Variants in PRKN observed in about 807,000 individuals in gnomAD.
PRKN encodes E3 ubiquitin-protein ligase parkin.
A neutral mutation model predicts 59.5 loss-of-function variants in PRKN; 56 were observed. That is an observed-to-expected ratio of 0.94 (90% confidence interval 0.76 to 1.18). The LOEUF (loss-of-function observed/expected upper bound fraction) is 1.18, where lower values mean the gene tolerates loss of function less well. Among genes scored for constraint, PRKN ranks in the 50% most tolerant of loss-of-function variants. The pLI is 0.00. For synonymous variants in PRKN, 250 were observed against 222.1 expected, an observed-to-expected ratio of 1.13 and a Z score of -1.12; for missense variants, 657 against 596.4, an observed-to-expected ratio of 1.10 and a Z score of -1.06.
intron 7 of PRKN, among the ~76,000 whole-genome samples, chr6:161,693,971 C>T (rs1156448729): frequency 1.3e-5 from 2 of 152,128 alleles, no homozygotes; most frequent in African/African-American, 4.8e-5. Flanking sequence ...TTGTAAATGT[C>T]CTTGTACTTC....
chr6:161,671,280 C>T (rs1034414346), intron 7 of PRKN, among the ~76,000 whole-genome samples: 5 of 152,202 alleles, frequency 3.3e-5, no homozygotes, highest in South Asian at 2.1e-4. Context: ...GTGAGGCTGA[C>T]GTGACAGTCT....
intron 2 of PRKN, among the ~76,000 whole-genome samples, chr6:162,343,562 T>C (rs897132870): frequency 6.6e-6 from 1 of 152,204 alleles, no homozygotes; most frequent in Non-Finnish European, 1.5e-5. Context: ...TGAAGTATAT[T>C]GGATATCTGA....
intron 7 of PRKN, among the ~76,000 whole-genome samples, chr6:161,673,630 C>G (rs1046644349): frequency 2.0e-5 from 3 of 152,100 alleles, no homozygotes; most frequent in Non-Finnish European, 4.4e-5. Flanking sequence ...TGTTTGGAGA[C>G]CAGGCTGGAA....
At chr6:162,361,564 A>T (rs73602255) in intron 2 of PRKN, among the ~76,000 whole-genome samples, 5,050 of 152,238 alleles carry the variant, frequency 0.033, 277 homozygotes, top group African/African-American at 0.12. Context: ...TGCCCAGTCT[A>T]TGAGACTTTC....
chr6:162,065,000 G>A (rs1288777068), intron 4 of PRKN, among the ~76,000 whole-genome samples: 1 of 152,218 alleles, frequency 6.6e-6, no homozygotes, highest in East Asian at 1.9e-4. Flanking sequence ...CAGTGGTAAA[G>A]AATCTGGCAG....
chr6:161,735,948 A>T lies in PRKN; in HGVS notation c.871+49824T>A, dbSNP rs182137505. 1.7e-4 allele frequency among the ~76,000 whole-genome samples: 26 copies of T among 152,230 alleles called. No individual in the cohort carries two copies. In the East Asian group the frequency reaches 5.0e-3, roughly 29 times the overall value. ...CAAAAAAAAAAGTGAGACTATAAAA[A>T]TCTATTTTGCATCCTTCTTCTTAAA... On this transcript the variant is annotated intron_variant, in intron 7 of 11. Coordinates refer to ENST00000366898, the MANE Select transcript of PRKN (RefSeq NM_004562.3).
intron 1 of PRKN, among the ~76,000 whole-genome samples, chr6:162,672,685 A>AGTGTGTGTGT (rs56722608): frequency 0.035 from 5,176 of 149,114 alleles, 120 homozygotes; most frequent in Middle Eastern, 0.096. Flanking sequence ...TTGGGGGAAA[A>AGTGTGTGTGT]GTGTGTGTGT....
At chr6:161,571,608 T>C (rs1780892436) in intron 7 of PRKN, among the ~76,000 whole-genome samples, 1 of 152,268 alleles carries the variant, frequency 6.6e-6, no homozygotes, top group African/African-American at 2.4e-5. Flanking sequence ...TGCAGGTTTT[T>C]CAACACATGC....
intron 2 of PRKN, among the ~76,000 whole-genome samples, chr6:162,387,555 C>CACACAGAG (rs1212726833): frequency 1.6e-4 from 15 of 95,576 alleles, no homozygotes; most frequent in African/African-American, 4.5e-4. Flanking sequence ...CACACACACA[C>CACACAGAG]AGAGAGAGAG....
chr6:161,368,240 C>A (rs931757370), intron 10 of PRKN, among the ~76,000 whole-genome samples: 1 of 116,618 alleles, frequency 8.6e-6, no homozygotes, highest in Non-Finnish European at 1.9e-5. Flanking sequence ...ATGGTGAAAC[C>A]CTGTCTCTAC....
chr6:162,236,551 C>T (rs1311327694), intron 3 of PRKN, among the ~76,000 whole-genome samples: 3 of 151,744 alleles, frequency 2.0e-5, no homozygotes, highest in Admixed American at 2.0e-4. Flanking sequence ...TTTGGGAGGC[C>T]GAGATGGGCC....
intron 4 of PRKN, among the ~76,000 whole-genome samples, chr6:162,099,360 T>G (rs1369107704): frequency 6.6e-6 from 1 of 152,216 alleles, no homozygotes; most frequent in Non-Finnish European, 1.5e-5. Flanking sequence ...TTAACATAAA[T>G]TTCATACTGA....
chr6:162,329,849 A>T (rs2128124475), intron 2 of PRKN, among the ~76,000 whole-genome samples: 1 of 152,328 alleles, frequency 6.6e-6, no homozygotes, highest in Non-Finnish European at 1.5e-5. Context: ...TAGCCAAGAT[A>T]ATGGAGGTAA....
intron 3 of PRKN, among the ~76,000 whole-genome samples, chr6:162,227,829 C>T (rs530720155): frequency 3.0e-4 from 46 of 152,126 alleles, no homozygotes; most frequent in African/African-American, 1.1e-3. Context: ...AACGTGCATG[C>T]CTTCTGGACA....
At chr6:161,707,466 A>G (rs990335571) in intron 7 of PRKN, among the ~76,000 whole-genome samples, 2 of 152,180 alleles carry the variant, frequency 1.3e-5, no homozygotes, top group Admixed American at 6.5e-5. Context: ...AAAATTTATA[A>G]TACCATATGG....
chr6:162,079,517 C>T lies in PRKN; in HGVS notation c.535-25343G>A, dbSNP rs140871925. Among the ~76,000 whole-genome samples the T allele has an allele frequency of 1.7e-4, 26 of 152,232 alleles. No homozygotes were observed. The East Asian group carries it at 5.0e-3, about 29-fold the overall frequency. On this transcript the variant is annotated intron_variant, in intron 4 of 11. Coordinates refer to ENST00000366898, the MANE Select transcript of PRKN (RefSeq NM_004562.3). The stretch of plus-strand genomic sequence containing the variant: ...TTCTCAGTTCTCTCAAATGTATTCA[C>T]ATACCTGCCGGAGGAATATTTCCAA...
At chr6:161,951,108 T>C (rs1779974778) in intron 6 of PRKN, among the ~76,000 whole-genome samples, 1 of 151,676 alleles carries the variant, frequency 6.6e-6, no homozygotes. Flanking sequence ...TTCATAAGAA[T>C]TCATGAGTAG....
At position 161,976,974 on chromosome 6, in the gene PRKN, G is replaced by C. The variant is rs111695122; in HGVS notation, c.619-3557C>G. 6.4e-3 allele frequency among the ~76,000 whole-genome samples: 973 copies of C among 152,284 alleles called. 14 individuals are homozygous for C. The highest frequency in any genetic ancestry group is 0.022 in the African/African-American group (928 of 41,560). On this transcript the variant is annotated intron_variant, in intron 5 of 11. Coordinates refer to ENST00000366898, the MANE Select transcript of PRKN (RefSeq NM_004562.3). ...ATAGATAATGGTTTAAGAAATTACA[G>C]ATAGTTGAAAAATTCTAGTAACACA... is the stretch of plus-strand genomic sequence containing the variant.
intron 4 of PRKN, among the ~76,000 whole-genome samples, chr6:162,118,868 C>T (rs577871744): frequency 1.3e-5 from 2 of 152,310 alleles, no homozygotes; most frequent in Admixed American, 6.5e-5. Context: ...CCTTGTCATG[C>T]TGCCAGTCTA....
Sources: allele counts gnomAD v4.1 joint callset (sites outside exome capture counted in the v4.1 genomes callset), GRCh38; gene constraint gnomAD v4.1.1; transcripts MANE v1.5; gene names NCBI Gene and HGNC (gene_info 2026-07-23, HGNC 2026-07-21).